The following MMP8 variants were observed in gnomAD, a reference collection of about 807,000 sequenced individuals.
The protein encoded by MMP8 is neutrophil collagenase.
In MMP8, 67 loss-of-function variants were observed where a neutral mutation model predicts 51.2. That is an observed-to-expected ratio of 1.31 (90% confidence interval 1.08 to 1.60). The LOEUF is 1.60. MMP8 is among the 40% of genes most tolerant of loss of function. MMP8 has a pLI of 0.00. For missense variants in MMP8, 654 were observed against 558.1 expected (o/e 1.17, Z -1.73); for synonymous variants, 225 against 191.0 (o/e 1.18, Z -1.47).
At chr11:102,714,050 A>T (rs1157426434) in intron 8 of MMP8, among the ~76,000 whole-genome samples, 193 bp from the exon 9 acceptor site, 1 of 152,222 alleles carries the variant, frequency 6.6e-6, no homozygotes, top group Non-Finnish European at 1.5e-5. Flanking sequence ...ACATATGGTT[A>T]TCATTAATTC....
At position 102,713,441 on chromosome 11, in the gene MMP8, G is replaced by A. The variant is rs1406072549; in HGVS notation, c.1311C>T (p.Phe437=). ...VFQQEHFFHV[F]SGPRYYAFDL... ...CAAATGCGTAATATCTTGGTCCACT[G>A]AAGACATGGAAGAAATCTATAAAAA... is the stretch of plus-strand genomic sequence containing the variant. Residue 437 remains phenylalanine (F), a synonymous_variant, in exon 10 of 10, where the codon TTC becomes TTT. Transcript: ENST00000236826. The A allele has an allele frequency of 1.2e-6, 2 of 1,609,746 alleles. No individual in the cohort carries two copies. Among genetic ancestry groups the A allele is most frequent in the East Asian group, 2.2e-5 (1 of 44,826 alleles).
chr11:102,718,385 G>A, intron 5 of MMP8, 29 bp downstream of exon 5: 1 of 1,593,900 alleles, frequency 6.3e-7, no homozygotes, highest in Non-Finnish European at 8.6e-7. Context: ...GTCCTACCAT[G>A]TACTATGACT....
rs551842453 is a variant in MMP8, at chr11:102,718,437, A to G, written c.761T>C (p.Ile254Thr). 1 of 1,612,952 alleles carries G rather than the reference A, an allele frequency of 6.2e-7. No individual in the cohort carries two copies. Among genetic ancestry groups the G allele is most frequent in the African/African-American group, 1.3e-5 (1 of 75,028 alleles). The part of the protein sequence containing the change: ...TSNYSLPQDD[I>T]DGIQAIYGLS... ...ACCATAGATGGCCTGAATGCCATCG[A>G]TGTCATCTTGAGGGAGTGAGTAGTT... is the stretch of plus-strand genomic sequence containing the variant. The change falls in exon 5 of 10, where the codon ATC becomes ACC. Residue 254 changes from isoleucine to threonine, a missense_variant. Ile to Thr is a moderately conservative substitution (Grantham distance 89, BLOSUM62 -1). Coordinates refer to ENST00000236826, the MANE Select transcript of MMP8 (RefSeq NM_002424.3).
rs1861498067 is a variant in MMP8 at position 102,722,373 on chromosome 11, A to G, written c.347+56T>C. 8 of 1,572,302 alleles carry G rather than the reference A, an allele frequency of 5.1e-6. No homozygotes were observed. The South Asian group carries it at 9.2e-5, about 18-fold the overall frequency. ...ATCCCAAGAACAGTGTCTGTCATATAAGAGCCCAGTCCATACTGGATAAAT... is the reference window on the plus strand; with the variant it reads ...ATCCCAAGAACAGTGTCTGTCATATGAGAGCCCAGTCCATACTGGATAAAT... On this transcript the variant is annotated intron_variant, in intron 2 of 9. Coordinates refer to ENST00000236826, the MANE Select transcript of MMP8 (RefSeq NM_002424.3).
chr11:102,723,103 G>T (rs751766356), intron 1 of MMP8: 1 of 1,230,106 alleles, frequency 8.1e-7, no homozygotes, highest in South Asian at 1.3e-5. Context: ...GAAGCACAGA[G>T]AATTAAGGAA....
At chr11:102,713,652 G>A (rs1861190991) in intron 9 of MMP8, 102 bp downstream of exon 9, 2 of 1,121,812 alleles carry the variant, frequency 1.8e-6, no homozygotes, top group African/African-American at 3.1e-5. Context: ...GATTGCTTGA[G>A]GCCAGGAGTT....
Position 102,713,851 on chromosome 11 carries a change from A to C in MMP8, c.1197T>G (p.Asp399Glu), listed in dbSNP as rs748103912. The C allele has an allele frequency of 6.2e-7, 1 of 1,605,916 alleles. No homozygotes were observed. The highest frequency in any genetic ancestry group is 8.5e-7 in the Non-Finnish European group (1 of 1,176,880). Residue 399 changes from aspartate to glutamate, a missense_variant, in exon 9 of 10, where the codon GAT (aspartate) becomes GAG (glutamate). Coordinates refer to ENST00000236826, the MANE Select transcript of MMP8 (RefSeq NM_002424.3). ...CTGGCTCCATGAATTGTCTTTGGTT[A>C]TCATATCTGGTAAAAACAAAATGTT... ...FFVNDQFWRY[D>E]NQRQFMEPGY...
chr11:102,718,327 T>A lies in MMP8; in HGVS notation c.784+87A>T, dbSNP rs905239577. On this transcript the variant is annotated intron_variant, in intron 5 of 9. Transcript: ENST00000236826. ...TTCAGTTTTATGGAAACTGCAGAAG[T>A]GCAAAGGAAGAGATATTCAGATTCT... The A allele has an allele frequency of 5.2e-6, 7 of 1,357,718 alleles. 1 individual carries two copies. The Middle Eastern group carries it at 1.3e-3, about 245-fold the overall frequency. 84.1% of individuals were successfully genotyped at this position (1,357,718 alleles called of 1,614,324 possible). A position where few individuals can be genotyped will look rare whatever the true frequency, so the allele number is the denominator to read the frequency against.
intron 9 of MMP8, 35 bp downstream of exon 9, chr11:102,713,719 A>G (rs774546878): frequency 4.6e-6 from 7 of 1,515,950 alleles, no homozygotes; most frequent in Admixed American, 1.9e-5. Context: ...AAACAAACAA[A>G]CAACACATTT....
intron 4 of MMP8, among the ~76,000 whole-genome samples, chr11:102,718,958 C>T (rs1861390499): frequency 6.6e-6 from 1 of 152,180 alleles, no homozygotes; most frequent in Non-Finnish European, 1.5e-5. Context: ...CACTCAGCCT[C>T]ACGAGTAGAG....
Position 102,721,680 on chromosome 11 carries a change from A to T in MMP8, c.430T>A (p.Ser144Thr). Residue 144 changes from serine (S) to threonine (T), a missense_variant, in exon 3 of 10, where the codon TCA becomes ACA. By Grantham distance (58) the Ser-to-Thr change is moderately conservative. Coordinates refer to ENST00000236826, the MANE Select transcript of MMP8 (RefSeq NM_002424.3). Reference protein sequence around the residue: ...KDAFELWSVASPLIFTRISQG... With the variant: ...KDAFELWSVATPLIFTRISQG... ...GAGATCCTGGTGAAGATGAGAGGTG[A>T]TGCAACACTCCAGAGTTCAAAGGCA... The T allele has an allele frequency of 1.9e-6, 3 of 1,613,876 alleles. No homozygotes were observed. The highest frequency in any genetic ancestry group is 2.5e-6 in the Non-Finnish European group (3 of 1,179,870).
intron 1 of MMP8, 110 bp downstream of exon 1, chr11:102,724,644 A>G: frequency 3.0e-6 from 3 of 999,468 alleles, no homozygotes; most frequent in Non-Finnish European, 4.3e-6. Flanking sequence ...ATCTCAAACT[A>G]ATCACCCAAA....
Position 102,721,642 on chromosome 11 carries a change from T to C in MMP8, c.468A>G (p.Ala156=), listed in dbSNP as rs1250971907. The change falls in exon 3 of 10, where the codon GCA becomes GCG. Residue 156 remains alanine, a synonymous_variant. Coordinates refer to ENST00000236826, the MANE Select transcript of MMP8 (RefSeq NM_002424.3). ...LIFTRISQGE[A]DINIAFYQRD... The stretch of plus-strand genomic sequence containing the variant: ...TTTGGTAAAAAGCAATGTTGATATC[T>C]GCCTCTCCCTGTGAGATCCTGGTGA... 6.2e-7 allele frequency: 1 copy of C among 1,613,866 alleles called. No homozygotes were observed. The highest frequency in any genetic ancestry group is 1.1e-5 in the South Asian group (1 of 91,068).
chr11:102,720,990 G>A lies in MMP8; in HGVS notation c.622+411C>T, dbSNP rs527801692. 1.2e-4 allele frequency among the ~76,000 whole-genome samples: 19 copies of A among 152,046 alleles called. No individual in the cohort carries two copies. In the East Asian group the frequency reaches 3.7e-3, roughly 29 times the overall value. The stretch of plus-strand genomic sequence containing the variant: ...AGCAGTATCTGTAAAGAACCAGATA[G>A]CAAATATTTTAGGCTTTGTAAGCCA... On this transcript the variant is annotated intron_variant, in intron 4 of 9. Transcript: ENST00000236826.
At chr11:102,713,521 G>C in intron 9 of MMP8, 64 bp from the exon 10 acceptor site, 1 of 1,353,344 alleles carries the variant, frequency 7.4e-7, no homozygotes, top group Non-Finnish European at 1.0e-6. Context: ...TCTTCAGTTA[G>C]AAAACCCTGC....
In MMP8 at chr11:102,722,514, T is replaced by A. The variant is rs1861503692; in HGVS notation, c.262A>T (p.Lys88Ter). 1 of 1,613,814 alleles carries A rather than the reference T, an allele frequency of 6.2e-7. No individual in the cohort carries two copies. Among genetic ancestry groups the A allele is most frequent in the Non-Finnish European group, 8.5e-7 (1 of 1,179,868 alleles). ...PNEETLDMMK[K>*]PRCGVPDSGG... ...CTGTCAGGCACTCCACAGCGAGGCTTTTTCATCATGTCCAGAGTTTCCTCA... is the reference window on the plus strand; with the variant it reads ...CTGTCAGGCACTCCACAGCGAGGCTATTTCATCATGTCCAGAGTTTCCTCA... The change falls in exon 2 of 10, where the codon AAG becomes TAG. Residue 88 changes from lysine (K) to a stop codon, truncating the protein, a stop_gained. Transcript: ENST00000236826. LOFTEE classifies it high-confidence loss of function.
chr11:102,724,818 A>T lies in MMP8; in HGVS notation c.38T>A (p.Leu13His). The T allele has an allele frequency of 6.2e-7, 1 of 1,609,940 alleles. No individual in the cohort carries two copies. Among genetic ancestry groups the T allele is most frequent in the South Asian group, 1.1e-5 (1 of 90,108 alleles). The change falls in exon 1 of 10, where the codon CTC becomes CAC. Residue 13 changes from leucine to histidine, a missense_variant. Physicochemically the swap from Leu to His is moderately conservative, Grantham distance 99. Coordinates refer to ENST00000236826, the MANE Select transcript of MMP8 (RefSeq NM_002424.3). ...SLKTLPFLLL[L>H]HVQISKAFPV... ...AAAGGCCTTGGAAATCTGCACATGG[A>T]GTAAGAGCAGAAATGGAAGCGTCTT... is the stretch of plus-strand genomic sequence containing the variant.
At chr11:102,718,131 G>A (rs1057454264) in intron 5 of MMP8, among the ~76,000 whole-genome samples, 1 of 151,812 alleles carries the variant, frequency 6.6e-6, no homozygotes, top group Non-Finnish European at 1.5e-5. Context: ...ATTTAAAATT[G>A]GAAATTTGGA....
At position 102,721,601 on chromosome 11, in the gene MMP8, G is replaced by T; in HGVS notation, c.496+13C>A. ...AAAGAAAGCAAAACTGAGCATGACT[G>T]CTTTGTACCTACCTCTTTGGTAAAA... On this transcript the variant is annotated intron_variant, in intron 3 of 9. Coordinates refer to ENST00000236826, the MANE Select transcript of MMP8 (RefSeq NM_002424.3). 6.2e-7 allele frequency: 1 copy of T among 1,613,734 alleles called. No individual in the cohort carries two copies. The highest frequency in any genetic ancestry group is 8.5e-7 in the Non-Finnish European group (1 of 1,179,776).
Sources: gnomAD v4.1 joint callset for allele counts (sites outside exome capture counted in the v4.1 genomes callset) on GRCh38, gnomAD v4.1.1 for gene constraint, MANE v1.5 for transcripts, NCBI Gene and HGNC (gene_info 2026-07-23, HGNC 2026-07-21) for gene names.